Variants in CERS6 observed in about 807,000 individuals in gnomAD.
CERS6 encodes the protein LAG1 homolog, ceramide synthase 6.
A neutral mutation model predicts 56.8 loss-of-function variants in CERS6; 26 were observed. The observed-to-expected ratio is 0.46, with a 90% CI of 0.34 to 0.63. The LOEUF (loss-of-function observed/expected upper bound fraction) is 0.63. Ranked by LOEUF, CERS6 falls within the 30% of genes least tolerant of loss-of-function variation. The pLI is 0.01. For synonymous variants in CERS6, 164 were observed against 173.3 expected (o/e 0.95, Z 0.42); for missense variants, 415 against 467.5 (o/e 0.89, Z 1.04).
At chr2:168,716,190 G>A (rs571238946) in intron 7 of CERS6, among the ~76,000 whole-genome samples, 1 of 152,204 alleles carries the variant, frequency 6.6e-6, no homozygotes, top group African/African-American at 2.4e-5. Context: ...TAAGTCCAAC[G>A]ATAATTTGTT....
rs146448487 is a variant in CERS6, at chr2:168,516,644, C to T, written c.171-30952C>T. On this transcript the variant is annotated intron_variant, in intron 1 of 9. Transcript: ENST00000305747. ...GCTAGGTGTAAGTTTCTTGGCGGAGCGGCTAGCCCAGAGCTGTTACGGTAA... is the reference window on the plus strand; with the variant it reads ...GCTAGGTGTAAGTTTCTTGGCGGAGTGGCTAGCCCAGAGCTGTTACGGTAA... 1.2e-3 allele frequency among the ~76,000 whole-genome samples: 184 copies of T among 152,224 alleles called. 1 individual carries two copies. In the South Asian group the frequency reaches 0.013, roughly 11 times the overall value.
At chr2:168,592,956 A>G (rs1683709813) in intron 3 of CERS6, among the ~76,000 whole-genome samples, 1 of 152,172 alleles carries the variant, frequency 6.6e-6, no homozygotes, top group Admixed American at 6.5e-5. Flanking sequence ...GTGTCAACCT[A>G]GCTGTGTTAC....
intron 3 of CERS6, among the ~76,000 whole-genome samples, chr2:168,614,028 T>C (rs544896779): frequency 6.6e-6 from 1 of 152,228 alleles, no homozygotes; most frequent in Non-Finnish European, 1.5e-5. Context: ...TATTTTCTTA[T>C]GCAGGAGTGC....
chr2:168,550,250 A>G (rs1695542435), intron 2 of CERS6, among the ~76,000 whole-genome samples: 1 of 152,114 alleles, frequency 6.6e-6, no homozygotes, highest in Admixed American at 6.5e-5. Flanking sequence ...ACTGTAGCAC[A>G]CTGCAGCCTC....
At chr2:168,561,987 T>C (rs1665192784) in intron 3 of CERS6, among the ~76,000 whole-genome samples, 1 of 152,110 alleles carries the variant, frequency 6.6e-6, no homozygotes, top group South Asian at 2.1e-4. Flanking sequence ...GAAAAATACA[T>C]TGAAACATTG....
intron 6 of CERS6, among the ~76,000 whole-genome samples, chr2:168,702,020 AC>A (rs1426900878): frequency 3.9e-5 from 6 of 152,172 alleles, no homozygotes; most frequent in Non-Finnish European, 8.8e-5. Context: ...AAAAGTCTAT[AC>A]ATTCTATACA....
intron 1 of CERS6, among the ~76,000 whole-genome samples, chr2:168,497,239 T>A (rs1174182370): frequency 6.6e-6 from 1 of 152,212 alleles, no homozygotes. Context: ...CAGTTTTGTC[T>A]AGTCCGACTA....
At position 168,655,676 on chromosome 2, in the gene CERS6, T is replaced by C. The variant is rs570294095; in HGVS notation, c.465+24634T>C. 7.2e-5 allele frequency among the ~76,000 whole-genome samples: 11 copies of C among 152,218 alleles called. No individual in the cohort carries two copies. In the East Asian group the frequency reaches 2.1e-3, roughly 29 times the overall value. On this transcript the variant is annotated intron_variant, in intron 4 of 9. Transcript: ENST00000305747. ...GTGAAATTTTAAAATAGCTCAAATA[T>C]ACAAATACAGAGAATAAAACAGCAG...
At chr2:168,671,423 T>G (rs1685914702) in intron 4 of CERS6, among the ~76,000 whole-genome samples, 1 of 152,220 alleles carries the variant, frequency 6.6e-6, no homozygotes, top group Admixed American at 6.5e-5. Flanking sequence ...TTACATCTTG[T>G]TACTATTGGA....
chr2:168,757,191 G>C (rs746296256), intron 8 of CERS6, among the ~76,000 whole-genome samples: 1 of 152,080 alleles, frequency 6.6e-6, no homozygotes, highest in African/African-American at 2.4e-5. Flanking sequence ...GCTAACTAGA[G>C]GGCTGAAAAC....
At chr2:168,657,624 C>T (rs1176183625) in intron 4 of CERS6, among the ~76,000 whole-genome samples, 1 of 152,234 alleles carries the variant, frequency 6.6e-6, no homozygotes, top group African/African-American at 2.4e-5. Flanking sequence ...TCAAGTGCAG[C>T]GCCTGTGGAC....
rs1485748902 is a variant in CERS6, at chr2:168,610,680, G to C, written c.408-20305G>C. Among the ~76,000 whole-genome samples, 3 of 152,156 alleles carry C rather than the reference G, an allele frequency of 2.0e-5. No individual in the cohort carries two copies. In the East Asian group the frequency reaches 5.8e-4, roughly 29 times the overall value. Reference sequence around the variant, plus strand: ...GAATATAGTTTAGAGTGTAAGAAGAGTAGACCATCCCACCCATCTCTGCCA... The same window carrying C: ...GAATATAGTTTAGAGTGTAAGAAGACTAGACCATCCCACCCATCTCTGCCA... On this transcript the variant is annotated intron_variant, in intron 3 of 9. Transcript: ENST00000305747.
intron 1 of CERS6, among the ~76,000 whole-genome samples, chr2:168,468,897 T>TG (rs35112386): frequency 0.79 from 120,907 of 152,124 alleles, 48,463 homozygotes; most frequent in East Asian, 0.99. Context: ...ACTCATGTAA[T>TG]CACTTTGCTG....
intron 2 of CERS6, among the ~76,000 whole-genome samples, chr2:168,559,109 C>T (rs982066067): frequency 5.9e-5 from 9 of 151,396 alleles, no homozygotes; most frequent in Non-Finnish European, 1.0e-4. Context: ...ATGGTGTAGC[C>T]AAGGTATATT....
At chr2:168,645,132 TATATATATATAGAGAG>T (rs1374877565) in intron 4 of CERS6, among the ~76,000 whole-genome samples, 1 of 39,530 alleles carries the variant, frequency 2.5e-5, no homozygotes, top group Non-Finnish European at 4.3e-5. Context: ...TATATATATA[TATATATATATAGAGAG>T]AGAGAGAGAG....
intron 8 of CERS6, among the ~76,000 whole-genome samples, chr2:168,760,766 A>ATTTTTTTTTTTTTTTT (rs1553517052): frequency 7.9e-5 from 10 of 127,238 alleles, no homozygotes; most frequent in African/African-American, 2.3e-4. Context: ...TTATTTATTT[A>ATTTTTTTTTTTTTTTT]TTTTTTTGAG....
At chr2:168,750,536 T>G (rs1684234311) in intron 8 of CERS6, among the ~76,000 whole-genome samples, 1 of 152,236 alleles carries the variant, frequency 6.6e-6, no homozygotes, top group Admixed American at 6.5e-5. Flanking sequence ...GCTTTTCTAA[T>G]TTAACATTGT....
chr2:168,759,964 G>A (rs1049980336), intron 8 of CERS6, among the ~76,000 whole-genome samples: 6 of 151,260 alleles, frequency 4.0e-5, no homozygotes, highest in Admixed American at 6.6e-5. Flanking sequence ...TTTTATTGGC[G>A]TATAATTCCT....
intron 4 of CERS6, among the ~76,000 whole-genome samples, chr2:168,649,850 C>G (rs1270203293): frequency 1.3e-5 from 2 of 152,064 alleles, no homozygotes; most frequent in Non-Finnish European, 2.9e-5. Context: ...GAGTCTGTGA[C>G]TGTACTTGTC....
Sources: allele counts gnomAD v4.1 joint callset (sites outside exome capture counted in the v4.1 genomes callset), GRCh38; gene constraint gnomAD v4.1.1; transcripts MANE v1.5; gene names NCBI Gene and HGNC (gene_info 2026-07-23, HGNC 2026-07-21).